The following NUP210L variants were observed in gnomAD, a reference collection of about 807,000 sequenced individuals.
The protein encoded by NUP210L is nucleoporin 210 like.
Under a neutral mutation model 208.5 loss-of-function variants are expected in NUP210L, and 74 were observed. That is an observed-to-expected ratio of 0.35 (90% CI 0.29 to 0.43). The LOEUF (loss-of-function observed/expected upper bound fraction) is 0.43, where lower values mean the gene tolerates loss of function less well. NUP210L is among the 20% of genes least tolerant of loss of function. The probability of loss-of-function intolerance (pLI) is 1.00; values close to 1 mark genes in which losing one functional copy is unlikely to be tolerated. For missense variants in NUP210L, 1,843 were observed against 2,289.4 expected (o/e 0.81, Z 3.98); for synonymous variants, 780 against 816.9 (o/e 0.95, Z 0.77).
At chr1:154,025,355 CTTT>C (rs11326284) in intron 30 of NUP210L, among the ~76,000 whole-genome samples, 184 bp downstream of exon 30, 25 of 125,814 alleles carry the variant, frequency 2.0e-4, no homozygotes, top group East Asian at 4.7e-4. Flanking sequence ...TCTTCTTCTC[CTTT>C]TTTTTTTTTT....
At chr1:154,090,626 T>C (rs907319373) in intron 15 of NUP210L, among the ~76,000 whole-genome samples, 10 of 151,938 alleles carry the variant, frequency 6.6e-5, no homozygotes, top group Non-Finnish European at 1.3e-4. Flanking sequence ...GCCTGGCCGA[T>C]ATGGTGAAAC....
chr1:154,101,476 C>A (rs1656468505), intron 13 of NUP210L, among the ~76,000 whole-genome samples: 3 of 152,172 alleles, frequency 2.0e-5, no homozygotes, highest in Non-Finnish European at 4.4e-5. Context: ...CTGTTAAAAA[C>A]AAACAAACAA....
At chr1:154,143,895 T>C (rs1658982740) in intron 2 of NUP210L, among the ~76,000 whole-genome samples, 1 of 152,096 alleles carries the variant, frequency 6.6e-6, no homozygotes, top group Admixed American at 6.6e-5. Context: ...AAATAGCGAA[T>C]AATAGGTCTT....
intron 10 of NUP210L, among the ~76,000 whole-genome samples, chr1:154,125,709 G>A (rs1657893282): frequency 9.5e-5 from 4 of 42,158 alleles, no homozygotes; most frequent in African/African-American, 2.6e-4. Context: ...AAGGAAGGAA[G>A]GAAGGAAGGA....
At chr1:154,102,519 ATATG>A (rs772005372) in intron 13 of NUP210L, among the ~76,000 whole-genome samples, 1 of 152,108 alleles carries the variant, frequency 6.6e-6, no homozygotes, top group Non-Finnish European at 1.5e-5. Context: ...GGGTGTGTCT[ATATG>A]TATGTATGTA....
chr1:154,009,131 G>A (rs1410755454), intron 35 of NUP210L, among the ~76,000 whole-genome samples: 2 of 151,778 alleles, frequency 1.3e-5, no homozygotes, highest in East Asian at 1.9e-4. Context: ...GCTGGTCTCC[G>A]AAGCCCTGAC....
At chr1:153,994,766 C>A (rs573108737) in intron 38 of NUP210L, among the ~76,000 whole-genome samples, 1 of 151,716 alleles carries the variant, frequency 6.6e-6, no homozygotes, top group Non-Finnish European at 1.5e-5. Flanking sequence ...GTAATCCCAG[C>A]ACTTTGGGAG....
At chr1:154,085,558 C>T (rs1415892986) in intron 16 of NUP210L, among the ~76,000 whole-genome samples, 1 of 152,042 alleles carries the variant, frequency 6.6e-6, no homozygotes, top group Non-Finnish European at 1.5e-5. Flanking sequence ...TGGCAATACT[C>T]CTCAAACTGA....
chr1:154,065,977 A>G (rs1420837551), intron 17 of NUP210L, among the ~76,000 whole-genome samples: 1 of 151,890 alleles, frequency 6.6e-6, no homozygotes, highest in African/African-American at 2.4e-5. Context: ...CTCACTCAAA[A>G]TCGCACAACT....
chr1:154,071,983 T>C (rs1054574697), intron 16 of NUP210L, among the ~76,000 whole-genome samples: 7 of 151,896 alleles, frequency 4.6e-5, no homozygotes, highest in Non-Finnish European at 7.4e-5. Flanking sequence ...CGCGTGTGTG[T>C]GTGTGTGTGT....
At chr1:154,060,994 T>C in exon 19 of NUP210L, 1 of 1,613,926 alleles carries the variant, frequency 6.2e-7, no homozygotes, top group East Asian at 2.2e-5. Flanking sequence ...TACAGTTACA[T>C]CATCTACCAG....
At chr1:154,114,205 G>A (rs1657198278) in intron 12 of NUP210L, among the ~76,000 whole-genome samples, 1 of 152,004 alleles carries the variant, frequency 6.6e-6, no homozygotes, top group Non-Finnish European at 1.5e-5. Context: ...GAAGGCTGAG[G>A]TGGGAGGATT....
chr1:154,002,471 A>T (rs1650275233), intron 35 of NUP210L, among the ~76,000 whole-genome samples: 1 of 151,952 alleles, frequency 6.6e-6, no homozygotes, highest in Admixed American at 6.6e-5. Flanking sequence ...CATCTCTACT[A>T]AAAATACGAG....
At position 154,025,086 on chromosome 1, in the gene NUP210L, G is replaced by A. The variant is rs531000182; in HGVS notation, c.4122+456C>T. On this transcript the variant is annotated intron_variant, in intron 30 of 39. Transcript: ENST00000368559. Reference sequence around the variant, plus strand: ...TGGGACTACAGGCGCCCGCCACCTCGCCCAGCTAATTTTTTGTATTTTTAG... The same window carrying A: ...TGGGACTACAGGCGCCCGCCACCTCACCCAGCTAATTTTTTGTATTTTTAG... Among the ~76,000 whole-genome samples, 16 of 151,606 alleles carry A rather than the reference G, an allele frequency of 1.1e-4. No individual in the cohort carries two copies. The South Asian group carries it at 1.9e-3, about 18-fold the overall frequency.
Position 154,022,346 on chromosome 1 carries a change from G to A in NUP210L, c.4299-3C>T, listed in dbSNP as rs1651614518. ...GTCCAATATGCAGCAAGTCATCTCTGCAAGTAGACATTAAAGGTAGAAATC... is the reference window on the plus strand; with the variant it reads ...GTCCAATATGCAGCAAGTCATCTCTACAAGTAGACATTAAAGGTAGAAATC... On this transcript the variant is annotated splice_region_variant and splice_polypyrimidine_tract_variant and intron_variant, in intron 31 of 39. Coordinates refer to ENST00000368559, the Ensembl canonical transcript of NUP210L. 5 of 1,609,646 alleles carry A rather than the reference G, an allele frequency of 3.1e-6. No homozygotes were observed. The highest frequency in any genetic ancestry group is 4.3e-6 in the Non-Finnish European group (5 of 1,176,040).
intron 12 of NUP210L, among the ~76,000 whole-genome samples, chr1:154,108,242 C>T (rs749506793): frequency 2.0e-5 from 3 of 152,106 alleles, no homozygotes; most frequent in Non-Finnish European, 4.4e-5. Context: ...ACTGCAACCT[C>T]GACCTCCTAG....
intron 3 of NUP210L, among the ~76,000 whole-genome samples, chr1:154,143,110 C>T (rs1658938996): frequency 2.0e-5 from 3 of 150,790 alleles, no homozygotes; most frequent in Admixed American, 2.0e-4. Flanking sequence ...ACTGCTTGAA[C>T]TCAGGAGGCA....
intron 37 of NUP210L, chr1:153,995,933 G>A (rs572467238): frequency 1.6e-4 from 81 of 511,414 alleles, no homozygotes; most frequent in South Asian, 1.1e-3. Flanking sequence ...TGAAAGTGTC[G>A]AAGGCACAAG....
At chr1:154,034,976 G>A (rs978575013) in intron 27 of NUP210L, among the ~76,000 whole-genome samples, 2 of 151,774 alleles carry the variant, frequency 1.3e-5, no homozygotes, top group African/African-American at 4.8e-5. Context: ...TGAGTAGCTA[G>A]GATTACAGGT....
Sources: gnomAD v4.1 joint callset for allele counts (sites outside exome capture counted in the v4.1 genomes callset) on GRCh38, gnomAD v4.1.1 for gene constraint, MANE v1.5 for transcripts, NCBI Gene and HGNC (gene_info 2026-07-23, HGNC 2026-07-21) for gene names.